Variants in WDR89 observed in about 807,000 individuals in gnomAD.
WDR89 encodes the protein WD repeat domain 89, also known as WD repeat-containing protein 89.
WDR89 carries 17 observed loss-of-function variants against 29.1 expected under a neutral mutation model. The ratio of observed to expected loss-of-function variants is 0.58; its 90% CI spans 0.40 to 0.88. WDR89 has a LOEUF of 0.88. Ranked by LOEUF, WDR89 falls within the 40% of genes least tolerant of loss-of-function variation. WDR89 has a pLI of 0.00. For synonymous variants in WDR89, 138 were observed against 157.8 expected (o/e 0.87, Z 0.94); for missense variants, 396 against 456.3 (o/e 0.87, Z 1.20).
At chr14:63,614,311 CTTTT>C (rs113657972) in intron 2 of WDR89, among the ~76,000 whole-genome samples, 1 of 141,912 alleles carries the variant, frequency 7.0e-6, no homozygotes, top group East Asian at 2.0e-4. Flanking sequence ...TTCTTTTTTT[CTTTT>C]TTTTTTTTTT....
chr14:63,626,609 G>A (rs939641726), intron 1 of WDR89, among the ~76,000 whole-genome samples: 17 of 138,762 alleles, frequency 1.2e-4, no homozygotes, highest in African/African-American at 4.5e-4. Flanking sequence ...AGCCCGGGAG[G>A]CAGAGGTTGC....
At chr14:63,610,233 A>C (rs1015765933) in intron 2 of WDR89, among the ~76,000 whole-genome samples, 2 of 151,300 alleles carry the variant, frequency 1.3e-5, no homozygotes, top group African/African-American at 2.4e-5. Flanking sequence ...AAAAAAAAAA[A>C]AAAAAAAAAA....
At chr14:63,635,550 C>T (rs923319771) in intron 1 of WDR89, among the ~76,000 whole-genome samples, 1 of 152,208 alleles carries the variant, frequency 6.6e-6, no homozygotes, top group African/African-American at 2.4e-5. Flanking sequence ...TGAAAGCATT[C>T]CCTCTGAGAA....
intron 2 of WDR89, chr14:63,601,643 A>C: frequency 6.2e-7 from 1 of 1,613,414 alleles, no homozygotes; most frequent in East Asian, 2.2e-5. Flanking sequence ...AAGCAACAGT[A>C]GTCGCTGTTG....
At chr14:63,621,215 G>A (rs1007511926) in intron 2 of WDR89, among the ~76,000 whole-genome samples, 18 of 152,018 alleles carry the variant, frequency 1.2e-4, no homozygotes, top group Admixed American at 7.2e-4. Flanking sequence ...ACATATGTTC[G>A]TGCAAAAAAA....
chr14:63,634,931 C>T (rs138465627), intron 1 of WDR89, among the ~76,000 whole-genome samples: 9,062 of 147,718 alleles, frequency 0.061, 419 homozygotes, highest in Non-Finnish European at 0.099. Context: ...CCAGCTACTT[C>T]GAAGGCTGAG....
intron 1 of WDR89, among the ~76,000 whole-genome samples, chr14:63,641,084 T>C (rs1884089474): frequency 1.6e-5 from 2 of 125,314 alleles, no homozygotes; most frequent in Admixed American, 2.0e-4. Flanking sequence ...CGCGACAGCC[T>C]GAGACTCCAT....
chr14:63,607,954 TC>T (rs894877549), intron 2 of WDR89, among the ~76,000 whole-genome samples: 66 of 149,686 alleles, frequency 4.4e-4, no homozygotes, highest in South Asian at 4.2e-4. Flanking sequence ...ATGCCTGTAA[TC>T]CCAACACTTT....
At chr14:63,616,585 G>A (rs367867292) in intron 2 of WDR89, among the ~76,000 whole-genome samples, 6 of 152,156 alleles carry the variant, frequency 3.9e-5, no homozygotes, top group African/African-American at 1.4e-4. Flanking sequence ...GCAAGGGAGT[G>A]GATTACATGG....
At position 63,599,185 on chromosome 14, in the gene WDR89, T is replaced by A; in HGVS notation, c.758A>T (p.Glu253Val). 1 of 1,610,358 alleles carries A rather than the reference T, an allele frequency of 6.2e-7. No individual in the cohort carries two copies. Among genetic ancestry groups the A allele is most frequent in the Non-Finnish European group, 8.5e-7 (1 of 1,177,490 alleles). ...WWDLNHLDTD[E>V]PVTRLNIQDV... ...CTGGATGTTCAAACGTGTAACTGGT[T>A]CATCAGTGTCCAGATGATTAAGATC... is the stretch of plus-strand genomic sequence containing the variant. The change falls in exon 3 of 3, where the codon GAA (glutamate) becomes GTA (valine). Residue 253 changes from glutamate (E) to valine (V), a missense_variant. Glu to Val is a moderately radical substitution (Grantham distance 121). Coordinates refer to ENST00000620954, the MANE Select transcript of WDR89 (RefSeq NM_080666.4).
intron 2 of WDR89, among the ~76,000 whole-genome samples, chr14:63,617,673 C>G (rs1020457676): frequency 6.6e-6 from 1 of 151,802 alleles, no homozygotes; most frequent in Non-Finnish European, 1.5e-5. Context: ...TTAGTCGAGA[C>G]GAGGTTTCAC....
At chr14:63,615,709 G>A (rs936677123) in intron 2 of WDR89, among the ~76,000 whole-genome samples, 2 of 152,186 alleles carry the variant, frequency 1.3e-5, no homozygotes, top group African/African-American at 4.8e-5. Flanking sequence ...GGCAGATCAT[G>A]AGGACAGGAG....
intron 1 of WDR89, among the ~76,000 whole-genome samples, chr14:63,637,548 T>C (rs547665257): frequency 7.9e-5 from 12 of 152,222 alleles, no homozygotes; most frequent in African/African-American, 2.9e-4. Flanking sequence ...AAAGACACTG[T>C]GGTGGGTGTG....
intron 1 of WDR89, among the ~76,000 whole-genome samples, chr14:63,636,513 C>A (rs1308429645): frequency 6.6e-6 from 1 of 152,194 alleles, no homozygotes; most frequent in Non-Finnish European, 1.5e-5. Context: ...TGATTTCAAA[C>A]TATACCATAA....
intron 1 of WDR89, among the ~76,000 whole-genome samples, chr14:63,627,701 A>G (rs1883158584): frequency 6.6e-6 from 1 of 152,178 alleles, no homozygotes; most frequent in Non-Finnish European, 1.5e-5. Flanking sequence ...ACGAAGGAAT[A>G]AACACATGGA....
chr14:63,639,053 G>C (rs1883925209), intron 1 of WDR89, among the ~76,000 whole-genome samples: 2 of 152,154 alleles, frequency 1.3e-5, no homozygotes, highest in Middle Eastern at 3.2e-3. Context: ...ATGATAGCAT[G>C]ATGTCCTGTG....
chr14:63,612,045 A>G (rs1293317318), intron 2 of WDR89, among the ~76,000 whole-genome samples: 3 of 151,954 alleles, frequency 2.0e-5, no homozygotes, highest in Admixed American at 6.6e-5. Flanking sequence ...AATTTTTAAC[A>G]TATCATTGAT....
chr14:63,633,168 C>T (rs1246874738), intron 1 of WDR89, among the ~76,000 whole-genome samples: 1 of 152,022 alleles, frequency 6.6e-6, no homozygotes, highest in Non-Finnish European at 1.5e-5. Flanking sequence ...TATGTAATGT[C>T]AAATGATAAC....
At chr14:63,640,844 T>G (rs953477892) in intron 1 of WDR89, among the ~76,000 whole-genome samples, 1 of 146,078 alleles carries the variant, frequency 6.8e-6, no homozygotes, top group African/African-American at 2.5e-5. Flanking sequence ...ACGCCTGTAA[T>G]CCCAGCACTT....
Sources: allele counts gnomAD v4.1 joint callset (sites outside exome capture counted in the v4.1 genomes callset), GRCh38; gene constraint gnomAD v4.1.1; transcripts MANE v1.5; gene names NCBI Gene and HGNC (gene_info 2026-07-23, HGNC 2026-07-21).